BTK: variants seen among roughly 807,000 people sequenced by gnomAD.
The protein encoded by BTK is tyrosine-protein kinase BTK.
A neutral mutation model predicts 57.4 loss-of-function variants in BTK; 5 were observed. The ratio of observed to expected loss-of-function variants is 0.09; its 90% confidence interval spans 0.05 to 0.18. The LOEUF (loss-of-function observed/expected upper bound fraction) is 0.18, where lower values mean the gene tolerates loss of function less well. Ranked by LOEUF, BTK falls within the 10% of genes least tolerant of loss-of-function variation. BTK has a pLI of 1.00. For missense variants in BTK, 194 were observed against 501.2 expected, an observed-to-expected ratio of 0.39 and a Z score of 5.85; for synonymous variants, 154 against 174.3, an observed-to-expected ratio of 0.88 and a Z score of 0.92.
At chrX:101,363,638 G>T (rs1316884875) in intron 5 of BTK, among the ~76,000 whole-genome samples, 2 of 107,097 alleles carry the variant, frequency 1.9e-5, no homozygotes, top group East Asian at 5.9e-4. Context: ...CCTGGCTGGC[G>T]GAGGTTGCAG....
At chrX:101,381,007 GA>G (rs782713123) in intron 1 of BTK, among the ~76,000 whole-genome samples, 2,356 of 24,637 alleles carry the variant, frequency 0.096, 37 homozygotes, top group African/African-American at 0.21. Context: ...ACTCGGTCGC[GA>G]AAAAAAAAAA....
rs781809377 is a variant in BTK, at chrX:101,371,704, G to A, written c.241-3C>T. The A allele has an allele frequency of 5.0e-6, 6 of 1,197,621 alleles. No individual in the cohort carries two copies. The Admixed American group carries it at 1.1e-4, about 22-fold the overall frequency. On this transcript the variant is annotated splice_polypyrimidine_tract_variant and splice_region_variant and intron_variant, in intron 3 of 18. Coordinates refer to ENST00000308731, the MANE Select transcript of BTK (RefSeq NM_000061.3). ...TCACTGGACTCTTCACCTCTTCTCT[G>A]TAATGAAATAAGAAAAAATGGTTAT...
intron 7 of BTK, among the ~76,000 whole-genome samples, chrX:101,361,359 A>G (rs948485293): frequency 5.4e-5 from 6 of 111,494 alleles, no homozygotes; most frequent in Non-Finnish European, 9.4e-5. Context: ...ATTTATAGCT[A>G]AGGTCAGGAA....
At chrX:101,358,824 C>T in intron 10 of BTK, 128 bp from the exon 11 acceptor site, 1 of 578,264 alleles carries the variant, frequency 1.7e-6, no homozygotes, top group Non-Finnish European at 3.0e-6. Context: ...GCTTGAGCTA[C>T]AGCCTCATTG....
At chrX:101,361,984 T>G (rs1926686819) in intron 7 of BTK, among the ~76,000 whole-genome samples, 189 bp downstream of exon 7, 1 of 113,049 alleles carries the variant, frequency 8.8e-6, no homozygotes, top group Non-Finnish European at 1.9e-5. Flanking sequence ...TTGGATTACA[T>G]GGTTGCTGAG....
intron 5 of BTK, among the ~76,000 whole-genome samples, chrX:101,367,922 C>T (rs183904603): frequency 1.7e-4 from 19 of 111,390 alleles, no homozygotes; most frequent in African/African-American, 5.2e-4. Context: ...GTGTGCAAGG[C>T]GCTGTATGAG....
At chrX:101,372,471 G>A (rs1019900613) in intron 3 of BTK, among the ~76,000 whole-genome samples, 20 of 108,893 alleles carry the variant, frequency 1.8e-4, no homozygotes, top group African/African-American at 6.7e-4. Flanking sequence ...TTTTTGAGAC[G>A]GAGTCTTGCT....
rs782296429 is a variant in BTK at position 101,367,438 on chromosome X, C to T, written c.391+2560G>A. 2.5e-4 allele frequency among the ~76,000 whole-genome samples: 27 copies of T among 106,970 alleles called. 1 individual carries two copies. Among genetic ancestry groups the T allele is most frequent in the African/African-American group, 9.2e-4 (27 of 29,409 alleles). The allele number at this position is 106,970 out of a possible 115,157, so 92.9% of individuals were successfully genotyped here. A position where few individuals can be genotyped will look rare whatever the true frequency, so the allele number is the denominator to read the frequency against. ...ATCACCTGAGGTCAGGAGTTTGAGA[C>T]GAGCCTGGCCAACATGGTGAAACCC... On this transcript the variant is annotated intron_variant, in intron 5 of 18. Coordinates refer to ENST00000308731, the MANE Select transcript of BTK (RefSeq NM_000061.3).
At chrX:101,366,595 G>A (rs1211899392) in intron 5 of BTK, among the ~76,000 whole-genome samples, 1 of 111,846 alleles carries the variant, frequency 8.9e-6, no homozygotes, top group Non-Finnish European at 1.9e-5. Flanking sequence ...TATTGACATT[G>A]GCAGCACCTG....
rs1331425289 is a variant in BTK, at chrX:101,349,874, TATTGGCGAGCTCAGG to T, written c.1976_*10del. 8.4e-7 allele frequency: 1 copy of T among 1,196,970 alleles called. No homozygotes were observed. The highest frequency in any genetic ancestry group is 1.8e-5 in the African/African-American group (1 of 56,566). ...AGAAGAGAAGTAGAACCAAGAAGCT[TATTGGCGAGCTCAGG>T]ATTCTTCATCCATGACATCTAGAAT... On this transcript the variant is annotated stop_lost and 3_prime_UTR_variant, in exon 19 of 19. Coordinates refer to ENST00000308731, the MANE Select transcript of BTK (RefSeq NM_000061.3).
At chrX:101,370,209 C>A in intron 4 of BTK, 130 bp from the exon 5 acceptor site, 1 of 566,361 alleles carries the variant, frequency 1.8e-6, no homozygotes, top group South Asian at 2.4e-5. Flanking sequence ...AATCTTCAGT[C>A]AGCAATGGTG....
intron 1 of BTK, among the ~76,000 whole-genome samples, chrX:101,380,649 G>T (rs113469877): frequency 0.013 from 1,456 of 110,397 alleles, 28 homozygotes; most frequent in African/African-American, 0.046. Context: ...TCATTCCTAG[G>T]TATGTTTTCA....
At chrX:101,389,464 G>T (rs782571901), upstream of BTK, among the ~76,000 whole-genome samples, 18 of 111,573 alleles carry the variant, frequency 1.6e-4, no homozygotes, top group African/African-American at 5.5e-4. Flanking sequence ...GTTTGGCAAA[G>T]AAATTTTCAG....
At chrX:101,365,938 C>T (rs1325477054) in intron 5 of BTK, among the ~76,000 whole-genome samples, 1 of 112,234 alleles carries the variant, frequency 8.9e-6, no homozygotes, top group Non-Finnish European at 1.9e-5. Flanking sequence ...GCATGGCAAG[C>T]ACCATTGAGA....
intron 1 of BTK, among the ~76,000 whole-genome samples, chrX:101,380,210 G>A (rs1048069049): frequency 1.8e-5 from 2 of 111,388 alleles, no homozygotes; most frequent in Admixed American, 9.6e-5. Flanking sequence ...GGGCTCAAGC[G>A]ATCCTCCTGC....
Position 101,354,619 on chromosome X carries a change from G to A in BTK, c.1631+11C>T, listed in dbSNP as rs1555977577. 1 of 1,210,091 alleles carries A rather than the reference G, an allele frequency of 8.3e-7. No individual in the cohort carries two copies. The highest frequency in any genetic ancestry group is 2.2e-5 in the Admixed American group (1 of 46,007). ...TACTTCTGGAGGGAAAGATGAAAAA[G>A]CCACACTCACCTGGACAGGCCGAAA... is the stretch of plus-strand genomic sequence containing the variant. On this transcript the variant is annotated intron_variant, in intron 16 of 18. Coordinates refer to ENST00000308731, the MANE Select transcript of BTK (RefSeq NM_000061.3).
At chrX:101,387,264 T>G (rs1927641350), upstream of BTK, among the ~76,000 whole-genome samples, 1 of 109,895 alleles carries the variant, frequency 9.1e-6, no homozygotes, top group African/African-American at 3.3e-5. Flanking sequence ...TAGGTATATG[T>G]GTGACATGGT....
chrX:101,383,478 A>C (rs1427046613), intron 1 of BTK, among the ~76,000 whole-genome samples: 1 of 109,334 alleles, frequency 9.1e-6, no homozygotes, highest in African/African-American at 3.3e-5. Context: ...CATTATCCTT[A>C]TCTCTTTTCT....
At chrX:101,374,852 T>C (rs1927156623) in intron 2 of BTK, among the ~76,000 whole-genome samples, 1 of 111,763 alleles carries the variant, frequency 8.9e-6, no homozygotes, top group Admixed American at 9.5e-5. Context: ...ACCTTCCTCA[T>C]AGGAAGTAAG....
Sources: gnomAD v4.1 joint callset for allele counts (sites outside exome capture counted in the v4.1 genomes callset) on GRCh38, gnomAD v4.1.1 for gene constraint, MANE v1.5 for transcripts, NCBI Gene and HGNC (gene_info 2026-07-23, HGNC 2026-07-21) for gene names.